The following CSMD1 variants were observed in gnomAD, a reference collection of about 807,000 sequenced individuals.
CSMD1 encodes CUB and sushi domain-containing protein 1.
Under a neutral mutation model 417.5 loss-of-function variants are expected in CSMD1, and 213 were observed. The observed-to-expected ratio is 0.51, with a 90% CI of 0.46 to 0.57. The LOEUF (loss-of-function observed/expected upper bound fraction) is 0.57. Ranked by LOEUF, CSMD1 falls within the 20% of genes least tolerant of loss-of-function variation. The pLI is 0.00. For synonymous variants in CSMD1, 2,862 were observed against 1,736.8 expected (o/e 1.65, Z -16.11); for missense variants, 6,923 against 4,529.7 (o/e 1.53, Z -15.17).
chr8:3,460,700 C>A (rs1048129010), intron 12 of CSMD1, among the ~76,000 whole-genome samples: 5 of 152,234 alleles, frequency 3.3e-5, no homozygotes, highest in Admixed American at 1.3e-4. Context: ...CATAAACCAC[C>A]AATGTCGCTA....
rs563206990 is a variant in CSMD1, at chr8:3,740,561, G to T, written c.931+13369C>A. Among the ~76,000 whole-genome samples the T allele has an allele frequency of 3.9e-5, 6 of 152,280 alleles. 1 individual carries two copies. In the South Asian group the frequency reaches 1.2e-3, roughly 32 times the overall value. On this transcript the variant is annotated intron_variant, in intron 6 of 69. Transcript: ENST00000635120. The stretch of plus-strand genomic sequence containing the variant: ...AAAGGAGAAGGATTTCTGCCACAGG[G>T]AAAGTTATATGGCACACACAGGAAG...
At chr8:3,981,773 C>G (rs569348192) in intron 5 of CSMD1, among the ~76,000 whole-genome samples, 3 of 152,140 alleles carry the variant, frequency 2.0e-5, no homozygotes, top group Admixed American at 2.0e-4. Context: ...ACAGGCTGTG[C>G]GCTTCACAAA....
intron 3 of CSMD1, among the ~76,000 whole-genome samples, chr8:4,254,613 G>A (rs1031316791): frequency 2.0e-5 from 3 of 152,090 alleles, no homozygotes; most frequent in Non-Finnish European, 2.9e-5. Flanking sequence ...ACTCACCCTG[G>A]ACAACTTCCA....
rs564001924 is a variant in CSMD1 at position 3,883,480 on chromosome 8, G to A, written c.818+114423C>T. The stretch of plus-strand genomic sequence containing the variant: ...TGTATAAGTGTGTATATATGTATAT[G>A]CACACAAATATACCTTTTCACTGCT... On this transcript the variant is annotated intron_variant, in intron 5 of 69. Transcript: ENST00000635120. 1.6e-4 allele frequency among the ~76,000 whole-genome samples: 25 copies of A among 152,158 alleles called. No homozygotes were observed. The South Asian group carries it at 4.6e-3, about 28-fold the overall frequency.
At chr8:4,296,859 T>C (rs1349299579) in intron 3 of CSMD1, among the ~76,000 whole-genome samples, 1 of 152,032 alleles carries the variant, frequency 6.6e-6, no homozygotes, top group Admixed American at 6.6e-5. Flanking sequence ...CTCCCAGACT[T>C]GTCTTAGACT....
intron 3 of CSMD1, among the ~76,000 whole-genome samples, chr8:4,071,311 T>C (rs975627360): frequency 6.6e-6 from 1 of 152,182 alleles, no homozygotes; most frequent in Non-Finnish European, 1.5e-5. Context: ...TTCTACTGAT[T>C]AGATAATTTC....
chr8:3,027,994 C>G (rs976477299), intron 51 of CSMD1, among the ~76,000 whole-genome samples: 1 of 152,182 alleles, frequency 6.6e-6, no homozygotes, highest in South Asian at 2.1e-4. Flanking sequence ...AAGATTGTCA[C>G]GCAGCAAATA....
chr8:4,861,398 C>T (rs1346782544), intron 1 of CSMD1, among the ~76,000 whole-genome samples: 1 of 152,058 alleles, frequency 6.6e-6, no homozygotes, highest in African/African-American at 2.4e-5. Flanking sequence ...TCTATTACTA[C>T]GCTGTAAACA....
intron 1 of CSMD1, among the ~76,000 whole-genome samples, chr8:4,847,565 T>G (rs1003116020): frequency 2.0e-5 from 3 of 152,092 alleles, no homozygotes; most frequent in African/African-American, 7.2e-5. Context: ...TATTAAAGAG[T>G]CCATACTCTA....
At chr8:2,968,625 A>G (rs897830250) in intron 57 of CSMD1, among the ~76,000 whole-genome samples, 3 of 152,188 alleles carry the variant, frequency 2.0e-5, no homozygotes, top group African/African-American at 7.2e-5. Flanking sequence ...ACTCACGGTT[A>G]TAACTATGAA....
At chr8:4,974,773 C>G (rs916317932) in intron 1 of CSMD1, among the ~76,000 whole-genome samples, 2 of 152,074 alleles carry the variant, frequency 1.3e-5, no homozygotes, top group Non-Finnish European at 2.9e-5. Context: ...TTTTGAGCCT[C>G]AAATCTTTGT....
At chr8:4,880,189 G>C (rs567690872) in intron 1 of CSMD1, among the ~76,000 whole-genome samples, 9 of 138,674 alleles carry the variant, frequency 6.5e-5, no homozygotes, top group African/African-American at 1.3e-4. Context: ...TCTTTCAGGA[G>C]AGAGTTAAGG....
chr8:4,496,444 A>G (rs552493263), intron 2 of CSMD1, among the ~76,000 whole-genome samples: 2 of 152,182 alleles, frequency 1.3e-5, no homozygotes, highest in South Asian at 2.1e-4. Context: ...AAGCCTGGAC[A>G]TTCTATGGAA....
At chr8:3,774,477 G>T (rs1798794538) in intron 5 of CSMD1, among the ~76,000 whole-genome samples, 3 of 152,150 alleles carry the variant, frequency 2.0e-5, no homozygotes, top group African/African-American at 2.4e-5. Flanking sequence ...TGGCTCATAG[G>T]ACAGAGAGAC....
intron 37 of CSMD1, among the ~76,000 whole-genome samples, chr8:3,178,324 G>A (rs1366921975): frequency 6.6e-6 from 1 of 151,984 alleles, no homozygotes; most frequent in Non-Finnish European, 1.5e-5. Flanking sequence ...AGAAGTAGAT[G>A]TAGATAAGCC....
intron 3 of CSMD1, among the ~76,000 whole-genome samples, chr8:4,061,325 C>T (rs1014659218): frequency 6.6e-6 from 1 of 152,020 alleles, no homozygotes; most frequent in Non-Finnish European, 1.5e-5. Flanking sequence ...AACAAGGAAC[C>T]ACTAAAAATT....
At chr8:4,906,237 A>G (rs1805266811) in intron 1 of CSMD1, among the ~76,000 whole-genome samples, 2 of 152,228 alleles carry the variant, frequency 1.3e-5, no homozygotes, top group African/African-American at 4.8e-5. Flanking sequence ...CTAAATTCTG[A>G]AGATGACACT....
intron 5 of CSMD1, among the ~76,000 whole-genome samples, chr8:3,871,975 C>G (rs111515058): frequency 0.028 from 4,189 of 152,264 alleles, 90 homozygotes; most frequent in Non-Finnish European, 0.043. Context: ...TTGTGAGCTA[C>G]AAACCTGCAC....
At chr8:4,132,513 CCT>C (rs1470263612) in intron 3 of CSMD1, among the ~76,000 whole-genome samples, 6 of 152,014 alleles carry the variant, frequency 3.9e-5, no homozygotes, top group South Asian at 2.1e-4. Context: ...TAGGCATTCC[CCT>C]GTTTCTGGGT....
Sources: gnomAD v4.1 joint callset for allele counts (sites outside exome capture counted in the v4.1 genomes callset) on GRCh38, gnomAD v4.1.1 for gene constraint, MANE v1.5 for transcripts, NCBI Gene and HGNC (gene_info 2026-07-23, HGNC 2026-07-21) for gene names.